ZNF506: variants seen among roughly 807,000 people sequenced by gnomAD.
ZNF506 encodes zinc finger protein 506.
Under a neutral mutation model 11.6 loss-of-function variants are expected in ZNF506, and 10 were observed. The ratio of observed to expected loss-of-function variants is 0.86; its 90% CI spans 0.53 to 1.46. The LOEUF (loss-of-function observed/expected upper bound fraction) is 1.46. ZNF506 is among the 40% of genes most tolerant of loss of function. ZNF506 has a pLI of 0.00. For synonymous variants in ZNF506, 156 were observed against 173.3 expected, an observed-to-expected ratio of 0.90 and a Z score of 0.78; for missense variants, 425 against 521.2, an observed-to-expected ratio of 0.82 and a Z score of 1.80.
At chr19:19,801,494 C>CAAA (rs11410517) in intron 3 of ZNF506, among the ~76,000 whole-genome samples, 1 of 131,320 alleles carries the variant, frequency 7.6e-6, no homozygotes. Flanking sequence ...GAATCCATCT[C>CAAA]AAAAAAAAAA....
chr19:19,812,179 C>T (rs532181657), intron 1 of ZNF506, among the ~76,000 whole-genome samples: 1 of 152,352 alleles, frequency 6.6e-6, no homozygotes, highest in African/African-American at 2.4e-5. Flanking sequence ...TGACTCATTT[C>T]TCTTACACTG....
At chr19:19,795,818 A>C in intron 3 of ZNF506, 158 bp from the exon 4 acceptor site, 1 of 735,168 alleles carries the variant, frequency 1.4e-6, no homozygotes, top group Non-Finnish European at 2.1e-6. Flanking sequence ...CTGTAACAAA[A>C]ACATACTGAC....
chr19:19,799,480 A>T lies in ZNF506; in HGVS notation c.227-3820T>A, dbSNP rs1035920443. 2.3e-5 allele frequency: 15 copies of T among 654,118 alleles called. No individual in the cohort carries two copies. In the Admixed American group the frequency reaches 2.9e-4, roughly 13 times the overall value. The allele number at this position is 654,118 out of a possible 1,614,324, so 40.5% of individuals were successfully genotyped here. ...TAGGTCAAAAACAAAGTCTTAACAC[A>T]TTTTTTTAAACTAAAATTTCATAGA... On this transcript the variant is annotated intron_variant, in intron 3 of 3. Coordinates refer to ENST00000540806, the MANE Select transcript of ZNF506 (RefSeq NM_001099269.3).
intron 1 of ZNF506, among the ~76,000 whole-genome samples, chr19:19,808,583 C>G (rs951711166): frequency 6.8e-6 from 1 of 147,848 alleles, no homozygotes; most frequent in African/African-American, 2.5e-5. Flanking sequence ...CAGTGACTCA[C>G]GCCTGTAATC....
rs779642754 is a variant in ZNF506 at position 19,794,002 on chromosome 19, A to G, written c.*550T>C. 1 of 154,562 alleles carries G rather than the reference A, an allele frequency of 6.5e-6. No individual in the cohort carries two copies. The highest frequency in any genetic ancestry group is 1.4e-5 in the Non-Finnish European group (1 of 70,008). 9.6% of individuals were successfully genotyped at this position (154,562 alleles called of 1,614,324 possible). On this transcript the variant is annotated 3_prime_UTR_variant, in exon 4 of 4. Coordinates refer to ENST00000540806, the MANE Select transcript of ZNF506 (RefSeq NM_001099269.3). ...TTCCTCTTCAGCATGAATTATCGCC[A>G]TGTCTCTTAAGAATTGAGAACTTGT...
rs201700236 is a variant in ZNF506, at chr19:19,795,369, A to C, written c.518T>G (p.Phe173Cys). The change falls in exon 4 of 4, where the codon TTT (phenylalanine) becomes TGT (cysteine). Residue 173 changes from phenylalanine (F) to cysteine (C), a missense_variant. By Grantham distance (205) the Phe-to-Cys change is radical. Around this residue, in one of 3 missense-constraint regions of ZNF506, gnomAD observed 226 missense variants for 279.1 expected, o/e 0.81. Transcript: ENST00000540806. ...AGTTTTCCCATATTCTATACATTTA[A>C]AAGATTTTTTTCCAGTATCTCTTAT... is the stretch of plus-strand genomic sequence containing the variant. ...HKIRDTGKKS[F>C]KCIEYGKTFN... is the part of the protein sequence containing the mutation. The C allele has an allele frequency of 3.5e-5, 56 of 1,608,766 alleles. No homozygotes were observed. The Middle Eastern group carries it at 4.1e-3, about 119-fold the overall frequency.
intron 2 of ZNF506, 152 bp from the exon 3 acceptor site, chr19:19,806,278 C>T: frequency 2.5e-6 from 1 of 400,434 alleles, no homozygotes. Flanking sequence ...TTTTTTGAGG[C>T]AGAGTTTCAC....
chr19:19,813,845 G>T (rs115266021), intron 1 of ZNF506, among the ~76,000 whole-genome samples: 13 of 152,048 alleles, frequency 8.5e-5, no homozygotes, highest in Non-Finnish European at 4.4e-5. Flanking sequence ...GTGTGGTAAC[G>T]CCCGCATGTA....
chr19:19,803,294 C>T (rs2062809876), intron 3 of ZNF506, among the ~76,000 whole-genome samples: 1 of 152,210 alleles, frequency 6.6e-6, no homozygotes, highest in Non-Finnish European at 1.5e-5. Flanking sequence ...CGTAGGCAGG[C>T]CTGCAGACCT....
chr19:19,819,254 G>T (rs2062953304), intron 1 of ZNF506, among the ~76,000 whole-genome samples: 1 of 151,862 alleles, frequency 6.6e-6, no homozygotes, highest in Non-Finnish European at 1.5e-5. Context: ...GAATCCAGGG[G>T]TCAGAAATTA....
chr19:19,814,295 C>G lies in ZNF506; in HGVS notation c.4-7227G>C, dbSNP rs538893992. Among the ~76,000 whole-genome samples the G allele has an allele frequency of 1.0e-3, 156 of 151,962 alleles. 1 individual carries two copies. Among genetic ancestry groups the G allele is most frequent in the African/African-American group, 3.7e-3 (152 of 41,434 alleles). On this transcript the variant is annotated intron_variant, in intron 1 of 3. Transcript: ENST00000540806. ...TGGTGGCACGTGCCTGTAATTCCAGCTACTCGGGAGACTGAGGCAGGAGAA... is the reference window on the plus strand; with the variant it reads ...TGGTGGCACGTGCCTGTAATTCCAGGTACTCGGGAGACTGAGGCAGGAGAA...
chr19:19,801,097 T>C (rs547037775), intron 3 of ZNF506, among the ~76,000 whole-genome samples: 3 of 151,316 alleles, frequency 2.0e-5, no homozygotes, highest in South Asian at 2.1e-4. Flanking sequence ...AAGGTGGAGG[T>C]TGCAGTAAGC....
At chr19:19,803,393 A>G (rs1599515506) in intron 3 of ZNF506, among the ~76,000 whole-genome samples, 1 of 152,064 alleles carries the variant, frequency 6.6e-6, no homozygotes, top group Non-Finnish European at 1.5e-5. Context: ...CTACATAGAA[A>G]CCCACCCAGT....
At chr19:19,818,512 T>A (rs2062949330) in intron 1 of ZNF506, among the ~76,000 whole-genome samples, 1 of 152,216 alleles carries the variant, frequency 6.6e-6, no homozygotes, top group Non-Finnish European at 1.5e-5. Flanking sequence ...GGCTTAGAAT[T>A]CTGTTTGAAA....
Position 19,806,077 on chromosome 19 carries a change from T to C in ZNF506, c.180A>G (p.Lys60=), listed in dbSNP as rs772346224. Residue 60 remains lysine (K), a synonymous_variant, in exon 3 of 4, where the codon AAA becomes AAG. Coordinates refer to ENST00000540806, the MANE Select transcript of ZNF506 (RefSeq NM_001099269.3). ...PNLITCLEQG[K]KPLTMKRHEM... ...CATGCCTCTTCATAGTTAAAGGTTT[T>C]TTTCCTTGCTCCAGACAGGTGATCA... 29 of 1,608,802 alleles carry C rather than the reference T, an allele frequency of 1.8e-5. No individual in the cohort carries two copies. The highest frequency in any genetic ancestry group is 2.4e-5 in the Non-Finnish European group (28 of 1,178,622).
At chr19:19,813,184 C>A (rs1259381956) in intron 1 of ZNF506, among the ~76,000 whole-genome samples, 1 of 152,014 alleles carries the variant, frequency 6.6e-6, no homozygotes, top group Non-Finnish European at 1.5e-5. Flanking sequence ...ATAAAAGATA[C>A]TAAAATTGTG....
rs545184817 is a variant in ZNF506, at chr19:19,809,136, T to C, written c.4-2068A>G. ...ACCAGAGTTTTACCCAATAGAAATC[T>C]TGAGTATCCACATCTTTCCATGTTC... On this transcript the variant is annotated intron_variant, in intron 1 of 3. Coordinates refer to ENST00000540806, the MANE Select transcript of ZNF506 (RefSeq NM_001099269.3). Among the ~76,000 whole-genome samples, 176 of 152,314 alleles carry C rather than the reference T, an allele frequency of 1.2e-3. 1 individual carries two copies. Among genetic ancestry groups the C allele is most frequent in the African/African-American group, 4.1e-3 (172 of 41,568 alleles).
intron 2 of ZNF506, 75 bp downstream of exon 2, chr19:19,806,866 TA>T: frequency 1.3e-6 from 2 of 1,530,348 alleles, no homozygotes; most frequent in East Asian, 2.3e-5. Context: ...AATAAATTAC[TA>T]AAAAACATTC....
chr19:19,804,430 A>G (rs8109240), intron 3 of ZNF506, among the ~76,000 whole-genome samples: 67,086 of 152,022 alleles, frequency 0.44, 15,673 homozygotes, highest in East Asian at 0.7. Flanking sequence ...AAGTCAGGAA[A>G]CAACAGATGC....
Sources: gnomAD v4.1 joint callset for allele counts (sites outside exome capture counted in the v4.1 genomes callset) on GRCh38, gnomAD v4.1.1 for gene constraint, gnomAD v4.1.1 regional missense constraint, MANE v1.5 for transcripts, NCBI Gene and HGNC (gene_info 2026-07-23, HGNC 2026-07-21) for gene names.